The following AKAP6 variants were observed in gnomAD, a reference collection of about 807,000 sequenced individuals.
The protein encoded by AKAP6 is A-kinase anchor protein 6.
A neutral mutation model predicts 188.5 loss-of-function variants in AKAP6; 58 were observed. That is an observed-to-expected ratio of 0.31 (90% CI 0.25 to 0.38). The LOEUF (loss-of-function observed/expected upper bound fraction) is 0.38, where lower values mean the gene tolerates loss of function less well. Among genes scored for constraint, AKAP6 ranks in the 10% least tolerant of loss-of-function variants. AKAP6 has a pLI of 1.00. For missense variants in AKAP6, 2,710 were observed against 2,740.0 expected (o/e 0.99, Z 0.24); for synonymous variants, 989 against 998.6 (o/e 0.99, Z 0.18).
intron 1 of AKAP6, among the ~76,000 whole-genome samples, chr14:32,429,875 ATCT>A (rs1890157438): frequency 6.6e-6 from 1 of 152,218 alleles, no homozygotes; most frequent in Non-Finnish European, 1.5e-5. Context: ...TAGGATGCAC[ATCT>A]TCTCCTCTCC....
At chr14:32,329,491 T>C (rs1334850578) in intron 1 of AKAP6, 83 bp downstream of exon 1, 1 of 152,102 alleles carries the variant, frequency 6.6e-6, no homozygotes, top group Non-Finnish European at 1.5e-5. Context: ...TTGGGGGATG[T>C]TGTCTCTGCT....
chr14:32,368,648 C>A (rs1372241990), intron 1 of AKAP6, among the ~76,000 whole-genome samples: 1 of 152,058 alleles, frequency 6.6e-6, no homozygotes, highest in African/African-American at 2.4e-5. Context: ...ACAGTACAAT[C>A]TGACTGAAGA....
chr14:32,725,016 A>AAAAAAAAAAAAAAC (rs1161106396), intron 9 of AKAP6, among the ~76,000 whole-genome samples: 1 of 149,980 alleles, frequency 6.7e-6, no homozygotes, highest in Admixed American at 6.7e-5. Flanking sequence ...AAAAAAAAAA[A>AAAAAAAAAAAAAAC]ACAATTTTCC....
In AKAP6 at chr14:32,404,691, G is replaced by GATAGATATAT; in HGVS notation, c.-34-28766_-34-28765insGATATATATA. 4.7e-3 allele frequency among the ~76,000 whole-genome samples: 208 copies of GATAGATATAT among 44,426 alleles called. 23 individuals carry two copies. In the Middle Eastern group the frequency reaches 0.059, roughly 13 times the overall value. 29.1% of individuals were successfully genotyped at this position (44,426 alleles called of 152,430 possible). The stretch of plus-strand genomic sequence containing the variant: ...AGAGTGGGGTTATGAGGAGTCAGGA[G>GATAGATATAT]ATATATATATATATATATATTAGTC... On this transcript the variant is annotated intron_variant, in intron 1 of 13. Coordinates refer to ENST00000280979, the MANE Select transcript of AKAP6 (RefSeq NM_004274.5).
At chr14:32,464,590 A>T (rs1878288119) in intron 2 of AKAP6, among the ~76,000 whole-genome samples, 1 of 152,170 alleles carries the variant, frequency 6.6e-6, no homozygotes, top group Non-Finnish European at 1.5e-5. Flanking sequence ...TTGATGGAAC[A>T]TATCTCAAAA....
intron 12 of AKAP6, among the ~76,000 whole-genome samples, chr14:32,781,960 C>T (rs551586544): frequency 2.1e-4 from 32 of 152,018 alleles, no homozygotes; most frequent in East Asian, 5.8e-4. Context: ...GCCAGGAGTT[C>T]GAGACCAGCC....
intron 11 of AKAP6, among the ~76,000 whole-genome samples, chr14:32,767,118 A>G (rs1475441068): frequency 2.0e-5 from 3 of 152,130 alleles, no homozygotes; most frequent in Non-Finnish European, 4.4e-5. Flanking sequence ...TTTTATTGAA[A>G]GGTATCTTAT....
chr14:32,572,318 TC>T (rs1473512089), intron 4 of AKAP6, among the ~76,000 whole-genome samples: 2 of 152,230 alleles, frequency 1.3e-5, no homozygotes, highest in Non-Finnish European at 2.9e-5. Context: ...ACTTCCCATT[TC>T]CTCTTGTAGA....
At chr14:32,646,190 T>G (rs1887980320) in intron 7 of AKAP6, among the ~76,000 whole-genome samples, 1 of 152,024 alleles carries the variant, frequency 6.6e-6, no homozygotes, top group African/African-American at 2.4e-5. Context: ...TATAAGACAT[T>G]ATAAAGGACC....
At chr14:32,614,071 G>A (rs1886458915) in intron 7 of AKAP6, among the ~76,000 whole-genome samples, 1 of 152,032 alleles carries the variant, frequency 6.6e-6, no homozygotes, top group Non-Finnish European at 1.5e-5. Context: ...TTTTGGTGAA[G>A]GCTAAGAATT....
intron 1 of AKAP6, among the ~76,000 whole-genome samples, chr14:32,408,807 G>T (rs1165667380): frequency 6.6e-6 from 1 of 152,074 alleles, no homozygotes. Flanking sequence ...AGGGATATTG[G>T]TGATGGGTGG....
intron 2 of AKAP6, chr14:32,434,045 G>C (rs1285673229): frequency 2.0e-6 from 1 of 490,622 alleles, no homozygotes; most frequent in African/African-American, 1.9e-5. Flanking sequence ...ATAGTGCAGA[G>C]AAATGGGGAA....
intron 4 of AKAP6, among the ~76,000 whole-genome samples, chr14:32,550,988 C>A (rs1447554530): frequency 6.6e-6 from 1 of 152,128 alleles, no homozygotes; most frequent in African/African-American, 2.4e-5. Flanking sequence ...CAGATTATGT[C>A]ATCCCTCTGC....
chr14:32,596,737 G>A (rs947588452), intron 5 of AKAP6, among the ~76,000 whole-genome samples: 1 of 152,204 alleles, frequency 6.6e-6, no homozygotes, highest in Admixed American at 6.6e-5. Flanking sequence ...ATAGGGCATT[G>A]CTGAATAATG....
At chr14:32,341,746 G>A (rs747449916) in intron 1 of AKAP6, among the ~76,000 whole-genome samples, 1 of 152,174 alleles carries the variant, frequency 6.6e-6, no homozygotes, top group Non-Finnish European at 1.5e-5. Context: ...CTCTCAGGCT[G>A]GATGTGGTGG....
chr14:32,798,994 A>G lies in AKAP6; in HGVS notation c.3589-22408A>G, dbSNP rs1213985705. 2.0e-5 allele frequency among the ~76,000 whole-genome samples: 3 copies of G among 152,198 alleles called. No individual in the cohort carries two copies. The East Asian group carries it at 5.8e-4, about 29-fold the overall frequency. On this transcript the variant is annotated intron_variant, in intron 12 of 13. Coordinates refer to ENST00000280979, the MANE Select transcript of AKAP6 (RefSeq NM_004274.5). ...TAGTCAATGAATGTTAATTGCTATT[A>G]TTAGTTTAGTTATGCTATTGTAGTA...
intron 2 of AKAP6, among the ~76,000 whole-genome samples, chr14:32,497,882 T>A (rs1262365223): frequency 6.6e-6 from 1 of 152,102 alleles, no homozygotes; most frequent in Non-Finnish European, 1.5e-5. Flanking sequence ...TTTATCATTA[T>A]AAAATGATCC....
intron 4 of AKAP6, among the ~76,000 whole-genome samples, chr14:32,571,520 C>T (rs907072719): frequency 2.0e-5 from 3 of 151,874 alleles, no homozygotes; most frequent in South Asian, 4.2e-4. Flanking sequence ...CTAAAGAGAC[C>T]CTGTCTCTAA....
intron 7 of AKAP6, among the ~76,000 whole-genome samples, chr14:32,652,521 C>A (rs1888274332): frequency 2.0e-5 from 3 of 152,164 alleles, no homozygotes; most frequent in African/African-American, 7.2e-5. Flanking sequence ...TATAAAATCA[C>A]AAAATTTCTT....
Sources: allele counts gnomAD v4.1 joint callset (sites outside exome capture counted in the v4.1 genomes callset), GRCh38; gene constraint gnomAD v4.1.1; transcripts MANE v1.5; gene names NCBI Gene and HGNC (gene_info 2026-07-23, HGNC 2026-07-21).